Variants in CAMTA1 observed in about 807,000 individuals in gnomAD.
CAMTA1 encodes calmodulin binding transcription activator 1, also known as calmodulin-binding transcription activator 1.
CAMTA1 carries 27 observed loss-of-function variants against 170.9 expected under a neutral mutation model. The observed-to-expected ratio is 0.16, with a 90% CI of 0.12 to 0.22. The LOEUF is 0.22. Ranked by LOEUF, CAMTA1 falls within the 10% of genes least tolerant of loss-of-function variation. CAMTA1 has a pLI of 1.00. For missense variants in CAMTA1, 1,619 were observed against 2,217.2 expected (o/e 0.73, Z 5.42); for synonymous variants, 833 against 891.5 (o/e 0.93, Z 1.17).
intron 11 of CAMTA1, among the ~76,000 whole-genome samples, chr1:7,689,012 A>G (rs946114730): frequency 6.6e-6 from 1 of 152,172 alleles, no homozygotes; most frequent in Admixed American, 6.5e-5. Flanking sequence ...CTGTAATCCC[A>G]ACACTTTGGG....
chr1:7,103,331 T>C (rs1390403186), intron 4 of CAMTA1, among the ~76,000 whole-genome samples: 4 of 151,614 alleles, frequency 2.6e-5, no homozygotes, highest in Non-Finnish European at 4.4e-5. Flanking sequence ...GAGGCACATA[T>C]ACACACAACT....
At chr1:7,116,548 C>A (rs1003170557) in intron 4 of CAMTA1, among the ~76,000 whole-genome samples, 5 of 152,170 alleles carry the variant, frequency 3.3e-5, no homozygotes, top group African/African-American at 1.2e-4. Context: ...AACCATCCCC[C>A]CCAATATTTT....
chr1:6,848,881 C>G (rs538106045), intron 3 of CAMTA1, among the ~76,000 whole-genome samples: 2 of 152,046 alleles, frequency 1.3e-5, no homozygotes, highest in Admixed American at 1.3e-4. Context: ...AGGGTACTTC[C>G]GGGAAAACAA....
At chr1:7,527,860 A>C (rs1557867318) in intron 6 of CAMTA1, among the ~76,000 whole-genome samples, 1 of 152,078 alleles carries the variant, frequency 6.6e-6, no homozygotes. Flanking sequence ...CCCAGCCTCC[A>C]CCCCAATCCC....
In CAMTA1 at chr1:7,510,283, C is replaced by T. The variant is rs183269192; in HGVS notation, c.510+42382C>T. ...TATGCAAATGCCTGGGCCCCACCCC[C>T]GGGAATTCTGGGTGCCCCACTCTGG... On this transcript the variant is annotated intron_variant, in intron 6 of 22. Transcript: ENST00000303635. Among the ~76,000 whole-genome samples, 509 of 144,838 alleles carry T rather than the reference C, an allele frequency of 3.5e-3. 32 individuals carry two copies. The highest frequency in any genetic ancestry group is 0.012 in the African/African-American group (487 of 40,634).
rs1416307825 is a variant in CAMTA1, at chr1:7,681,407, G to A, written c.2914+3674G>A. Among the ~76,000 whole-genome samples the A allele has an allele frequency of 6.6e-6, 1 of 152,202 alleles. No homozygotes were observed. The highest frequency in any genetic ancestry group is 1.5e-5 in the Non-Finnish European group (1 of 68,040). On this transcript the variant is annotated intron_variant, in intron 11 of 22. Transcript: ENST00000303635. This position sits in a 1 kb window ranked among gnomAD's most constrained non-coding sequence, Gnocchi z 4.6. Reference sequence around the variant, plus strand: ...CCGGGAAGAGGGGGCATCAAGGGTGGCAGGAGAGGGAATGAGCGGCTGCCT... The same window carrying A: ...CCGGGAAGAGGGGGCATCAAGGGTGACAGGAGAGGGAATGAGCGGCTGCCT...
chr1:7,542,351 T>G (rs2094623087), intron 6 of CAMTA1, among the ~76,000 whole-genome samples: 1 of 152,232 alleles, frequency 6.6e-6, no homozygotes, highest in African/African-American at 2.4e-5. Flanking sequence ...TGAGGTTTAG[T>G]GTTTTGCTTT....
In CAMTA1 at chr1:7,064,653, A is replaced by C. The variant is rs1708730016; in HGVS notation, c.235-26651A>C. ...TTTGGGTGAAGAGAACGGCTACAGC[A>C]AACAGATGGGAAAGACTGAAGCATG... On this transcript the variant is annotated intron_variant, in intron 3 of 22. Transcript: ENST00000303635. This position sits in a 1 kb window ranked among gnomAD's most constrained non-coding sequence, Gnocchi z 5.4. Among the ~76,000 whole-genome samples, 2 of 152,062 alleles carry C rather than the reference A, an allele frequency of 1.3e-5. No homozygotes were observed. The highest frequency in any genetic ancestry group is 4.1e-4 in the South Asian group (2 of 4,820).
intron 5 of CAMTA1, among the ~76,000 whole-genome samples, chr1:7,352,184 G>A (rs567093081): frequency 5.9e-4 from 86 of 146,198 alleles, no homozygotes; most frequent in African/African-American, 2.3e-3. Flanking sequence ...GAAGTGGGCG[G>A]GGGGAAGAAG....
rs530641894 is a variant in CAMTA1 at position 7,641,296 on chromosome 1, A to G, written c.664+743A>G. ...GCATGGGGGCTGTTTAGTGGTGGACACGTAGCCCACGGGGTTCAGGGACAT... is the reference window on the plus strand; with the variant it reads ...GCATGGGGGCTGTTTAGTGGTGGACGCGTAGCCCACGGGGTTCAGGGACAT... On this transcript the variant is annotated intron_variant, in intron 7 of 22. Transcript: ENST00000303635. This position sits in a 1 kb window ranked among gnomAD's most constrained non-coding sequence, Gnocchi z 4.5. Among the ~76,000 whole-genome samples, 1 of 152,248 alleles carries G rather than the reference A, an allele frequency of 6.6e-6. No individual in the cohort carries two copies. Among genetic ancestry groups the G allele is most frequent in the Admixed American group, 6.5e-5 (1 of 15,298 alleles).
rs1416069561 is a variant in CAMTA1, at chr1:7,729,114, C to T, written c.2915-3334C>T. Among the ~76,000 whole-genome samples, 14 of 142,350 alleles carry T rather than the reference C, an allele frequency of 9.8e-5. 1 individual carries two copies. Among genetic ancestry groups the T allele is most frequent in the Non-Finnish European group, 1.7e-4 (11 of 64,656 alleles). 93.4% of individuals were successfully genotyped at this position (142,350 alleles called of 152,430 possible). ...TTTATTAGAAATTAATATGAGGAAT[C>T]TTTTTTTTTCTTTTTTTTTTGAGAC... On this transcript the variant is annotated intron_variant, in intron 11 of 22. Coordinates refer to ENST00000303635, the MANE Select transcript of CAMTA1 (RefSeq NM_015215.4).
chr1:7,506,907 C>G (rs774312386), intron 6 of CAMTA1, among the ~76,000 whole-genome samples: 1 of 152,110 alleles, frequency 6.6e-6, no homozygotes, highest in Non-Finnish European at 1.5e-5. Flanking sequence ...ATCTCTTGCT[C>G]ACACTCAAAA....
In CAMTA1 at chr1:7,509,779, T is replaced by C. The variant is rs553243870; in HGVS notation, c.510+41878T>C. Among the ~76,000 whole-genome samples the C allele has an allele frequency of 2.6e-5, 4 of 152,242 alleles. No individual in the cohort carries two copies. In the South Asian group the frequency reaches 8.3e-4, roughly 32 times the overall value. On this transcript the variant is annotated intron_variant, in intron 6 of 22. Coordinates refer to ENST00000303635, the MANE Select transcript of CAMTA1 (RefSeq NM_015215.4). ...CGGCCTACAACAGAGAACAAGAGGC[T>C]AGGAGACCTGGGCTTTGCCTCCTGG... is the stretch of plus-strand genomic sequence containing the variant.
chr1:6,929,952 C>T (rs180891536), intron 3 of CAMTA1, among the ~76,000 whole-genome samples: 53 of 152,228 alleles, frequency 3.5e-4, no homozygotes, highest in Middle Eastern at 3.4e-3. Flanking sequence ...ACTTAGTAAC[C>T]CATTCAATGT....
chr1:7,009,291 C>T (rs1699456650), intron 3 of CAMTA1, among the ~76,000 whole-genome samples: 1 of 152,180 alleles, frequency 6.6e-6, no homozygotes, highest in African/African-American at 2.4e-5. Context: ...AGGATGGCTG[C>T]CAGGACTTGA....
rs1425840487 is a variant in CAMTA1, at chr1:7,747,693, C to T, written c.4618-17C>T. 3.2e-6 allele frequency: 5 copies of T among 1,564,050 alleles called. No individual in the cohort carries two copies. In the Admixed American group the frequency reaches 5.9e-5, roughly 19 times the overall value. ...TTAATCATTACTGATTTTTTTTCTC[C>T]TTACTTTACCCTTAAGGGCCGACCC... is the stretch of plus-strand genomic sequence containing the variant. On this transcript the variant is annotated splice_polypyrimidine_tract_variant and intron_variant, in intron 18 of 22. Transcript: ENST00000303635.
At chr1:7,332,690 C>T (rs1388849318) in intron 5 of CAMTA1, among the ~76,000 whole-genome samples, 2 of 152,200 alleles carry the variant, frequency 1.3e-5, no homozygotes, top group Non-Finnish European at 2.9e-5. Flanking sequence ...TAATGAGCGA[C>T]ACAGTGTACT....
intron 3 of CAMTA1, among the ~76,000 whole-genome samples, chr1:6,826,261 G>A (rs528450154): frequency 1.3e-4 from 20 of 152,280 alleles, no homozygotes; most frequent in Middle Eastern, 3.4e-3. Context: ...TTACAGCTTT[G>A]TTAACTTGTC....
intron 1 of CAMTA1, among the ~76,000 whole-genome samples, chr1:6,818,579 T>G (rs560756858): frequency 4.0e-4 from 61 of 152,140 alleles, no homozygotes; most frequent in African/African-American, 1.3e-3. Flanking sequence ...TACAGAGAGG[T>G]TGAATTACTT....
Sources: allele counts gnomAD v4.1 joint callset (sites outside exome capture counted in the v4.1 genomes callset), GRCh38; gene constraint gnomAD v4.1.1; non-coding constraint Gnocchi (gnomAD v3.1); transcripts MANE v1.5; gene names NCBI Gene and HGNC (gene_info 2026-07-23, HGNC 2026-07-21).